The following HGD variants were observed in gnomAD, a reference collection of about 807,000 sequenced individuals.
HGD encodes homogentisate oxidase.
HGD carries 61 observed loss-of-function variants against 60.8 expected under a neutral mutation model. That is an observed-to-expected ratio of 1.00 (90% CI 0.82 to 1.24). The LOEUF (loss-of-function observed/expected upper bound fraction) is 1.24, where lower values mean the gene tolerates loss of function less well. Ranked by LOEUF, HGD falls within the 50% of genes most tolerant of loss-of-function variation. HGD has a pLI of 0.00. For synonymous variants in HGD, 212 were observed against 187.7 expected, an observed-to-expected ratio of 1.13 and a Z score of -1.06; for missense variants, 542 against 547.1, an observed-to-expected ratio of 0.99 and a Z score of 0.09.
Position 120,650,754 on chromosome 3 carries a change from C to G in HGD, c.434+20G>C. 6.3e-7 allele frequency: 1 copy of G among 1,588,978 alleles called. No homozygotes were observed. The highest frequency in any genetic ancestry group is 8.6e-7 in the Non-Finnish European group (1 of 1,156,998). On this transcript the variant is annotated intron_variant, in intron 6 of 13. Coordinates refer to ENST00000283871, the MANE Select transcript of HGD (RefSeq NM_000187.4). ...CCCTTAGAAGATGGGCATGTCCTTCCCTAGAACTGAGCCACTTACCTGTTC... is the reference window on the plus strand; with the variant it reads ...CCCTTAGAAGATGGGCATGTCCTTCGCTAGAACTGAGCCACTTACCTGTTC...
chr3:120,660,981 A>G (rs1051456186), intron 4 of HGD, among the ~76,000 whole-genome samples: 6 of 152,196 alleles, frequency 3.9e-5, no homozygotes, highest in African/African-American at 9.6e-5. Flanking sequence ...CACTCAATAA[A>G]TATTTGTTGG....
intron 4 of HGD, among the ~76,000 whole-genome samples, chr3:120,669,397 T>G (rs1707974457): frequency 6.6e-6 from 1 of 151,994 alleles, no homozygotes; most frequent in African/African-American, 2.4e-5. Context: ...TACTCCTGTG[T>G]CCATCTATAT....
chr3:120,648,232 G>C (rs2551622), intron 6 of HGD, among the ~76,000 whole-genome samples: 1 of 152,288 alleles, frequency 6.6e-6, no homozygotes, highest in East Asian at 1.9e-4. Flanking sequence ...ACATTTGACC[G>C]GATATCTGAA....
chr3:120,661,052 A>G (rs1256046832), intron 4 of HGD, among the ~76,000 whole-genome samples: 2 of 152,200 alleles, frequency 1.3e-5, no homozygotes, highest in Non-Finnish European at 2.9e-5. Flanking sequence ...TATCATCTCT[A>G]TTTTAGAAGT....
intron 1 of HGD, among the ~76,000 whole-genome samples, chr3:120,679,800 C>T (rs1372454424): frequency 6.6e-6 from 1 of 152,172 alleles, no homozygotes; most frequent in African/African-American, 2.4e-5. Flanking sequence ...CACAATCTCT[C>T]ATAGAGTCTC....
chr3:120,663,781 T>TG (rs1707832800), intron 4 of HGD, among the ~76,000 whole-genome samples: 2 of 128,096 alleles, frequency 1.6e-5, no homozygotes, highest in Non-Finnish European at 3.5e-5. Flanking sequence ...ATTAGGAATT[T>TG]TTATAAACAT....
At chr3:120,650,703 C>G in intron 6 of HGD, 71 bp downstream of exon 6, 1 of 1,106,446 alleles carries the variant, frequency 9.0e-7, no homozygotes, top group Non-Finnish European at 1.4e-6. Context: ...AAGAGTGAAA[C>G]CTGGAGTTTG....
intron 2 of HGD, 22 bp downstream of exon 2, chr3:120,675,770 T>A (rs1277428912): frequency 1.3e-6 from 2 of 1,597,156 alleles, no homozygotes; most frequent in Admixed American, 3.3e-5. Context: ...AGAGCTCTTC[T>A]AAGCACTTTA....
At chr3:120,647,793 G>A in intron 7 of HGD, 84 bp downstream of exon 7, 1 of 1,076,178 alleles carries the variant, frequency 9.3e-7, no homozygotes, top group Non-Finnish European at 1.5e-6. Flanking sequence ...GAGAATGAAG[G>A]AAAATAATGT....
chr3:120,669,221 G>A (rs1707969502), intron 4 of HGD, among the ~76,000 whole-genome samples: 1 of 151,790 alleles, frequency 6.6e-6, no homozygotes, highest in African/African-American at 2.4e-5. Flanking sequence ...AAAGATGTCT[G>A]TATTGAATGT....
intron 4 of HGD, among the ~76,000 whole-genome samples, chr3:120,665,346 A>T (rs1707875409): frequency 6.6e-6 from 1 of 152,182 alleles, no homozygotes. Flanking sequence ...CAAGAATCTG[A>T]TTTTTCAACA....
chr3:120,653,030 C>A (rs1392141702), intron 4 of HGD, among the ~76,000 whole-genome samples: 1 of 152,202 alleles, frequency 6.6e-6, no homozygotes, highest in African/African-American at 2.4e-5. Flanking sequence ...TATTTATAAT[C>A]AGGTCCCTTT....
chr3:120,644,296 G>A (rs761327732), intron 10 of HGD, 23 bp downstream of exon 10: 39 of 1,613,362 alleles, frequency 2.4e-5, no homozygotes, highest in Non-Finnish European at 3.2e-5. Flanking sequence ...TTCCTCCCTT[G>A]CCTGCCAACC....
intron 4 of HGD, among the ~76,000 whole-genome samples, chr3:120,654,837 C>T (rs574875132): frequency 5.3e-5 from 8 of 152,202 alleles, no homozygotes; most frequent in African/African-American, 1.9e-4. Context: ...CCTTTGGAGG[C>T]CAAGGTGGGT....
chr3:120,634,039 A>G (rs991877058), intron 12 of HGD, among the ~76,000 whole-genome samples: 5 of 152,086 alleles, frequency 3.3e-5, no homozygotes, highest in African/African-American at 4.8e-5. Context: ...TACCCTATTC[A>G]TAGAGTCCTA....
At chr3:120,675,720 G>C in intron 2 of HGD, 72 bp downstream of exon 2, 2 of 1,168,560 alleles carry the variant, frequency 1.7e-6, no homozygotes, top group Non-Finnish European at 2.6e-6. Context: ...GTGGGTGGAG[G>C]CACTTTGGCC....
chr3:120,638,357 T>G (rs1205845563), intron 12 of HGD, 98 bp downstream of exon 12: 2 of 1,415,058 alleles, frequency 1.4e-6, no homozygotes, highest in East Asian at 2.3e-5. Flanking sequence ...CCATGGTGGG[T>G]GTCCAGAAAT....
chr3:120,669,240 T>C (rs1022798036), intron 4 of HGD, among the ~76,000 whole-genome samples: 1 of 151,524 alleles, frequency 6.6e-6, no homozygotes, highest in Non-Finnish European at 1.5e-5. Flanking sequence ...GTATTTTCTA[T>C]ATTTTGTGGT....
intron 1 of HGD, among the ~76,000 whole-genome samples, chr3:120,681,319 T>C (rs1708226206): frequency 6.6e-6 from 1 of 152,252 alleles, no homozygotes; most frequent in South Asian, 2.1e-4. Context: ...GCCTGGGCAC[T>C]AGGCATGGTT....
Sources: allele counts gnomAD v4.1 joint callset (sites outside exome capture counted in the v4.1 genomes callset), GRCh38; gene constraint gnomAD v4.1.1; transcripts MANE v1.5; gene names NCBI Gene and HGNC (gene_info 2026-07-23, HGNC 2026-07-21).